The following LRPPRC variants were observed in gnomAD, a reference collection of about 807,000 sequenced individuals.
The protein encoded by LRPPRC is leucine-rich PPR motif-containing protein, mitochondrial.
In LRPPRC, 120 loss-of-function variants were observed where a neutral mutation model predicts 180.3. The ratio of observed to expected loss-of-function variants is 0.67; its 90% CI spans 0.57 to 0.77. The LOEUF (loss-of-function observed/expected upper bound fraction) is 0.77. Among genes scored for constraint, LRPPRC ranks in the 30% least tolerant of loss-of-function variants. The probability of loss-of-function intolerance (pLI) is 0.00; values close to 1 mark genes in which losing one functional copy is unlikely to be tolerated. For synonymous variants in LRPPRC, 723 were observed against 600.0 expected (o/e 1.21, Z -3.00); for missense variants, 2,012 against 1,657.2 (o/e 1.21, Z -3.72).
Position 43,945,386 on chromosome 2 carries a change from T to A in LRPPRC, c.2242A>T (p.Thr748Ser), listed in dbSNP as rs935607836. 3 of 1,612,368 alleles carry A rather than the reference T, an allele frequency of 1.9e-6. No individual in the cohort carries two copies. The highest frequency in any genetic ancestry group is 2.5e-6 in the Non-Finnish European group (3 of 1,178,572). ...CTTACAAGGCCTACATACTTGCCGGTGTCAAGGACAGCAGATGAATCTAAG... is the reference window on the plus strand; with the variant it reads ...CTTACAAGGCCTACATACTTGCCGGAGTCAAGGACAGCAGATGAATCTAAG... ...DRLDSSAVLD[T>S]GKYVGLVRVL... The change falls in exon 22 of 38, where the codon ACC becomes TCC. Residue 748 changes from threonine (T) to serine (S), a missense_variant. Transcript: ENST00000260665.
intron 29 of LRPPRC, among the ~76,000 whole-genome samples, chr2:43,915,163 G>A (rs1671403686): frequency 6.8e-6 from 1 of 147,982 alleles, no homozygotes; most frequent in Admixed American, 6.8e-5. Context: ...GGCAGAGGTT[G>A]CGCCACTGCA....
chr2:43,947,209 C>T, intron 20 of LRPPRC, 48 bp downstream of exon 20: 1 of 849,070 alleles, frequency 1.2e-6, no homozygotes, highest in African/African-American at 1.7e-5. Flanking sequence ...TTATTGTTAC[C>T]AAGAATTTTT....
chr2:43,954,535 C>T (rs933639159), intron 14 of LRPPRC, among the ~76,000 whole-genome samples: 1 of 152,164 alleles, frequency 6.6e-6, no homozygotes, highest in Admixed American at 6.5e-5. Context: ...TGAGCTAATA[C>T]AACTTTTTCT....
At chr2:43,948,225 A>T (rs757001485) in intron 17 of LRPPRC, 26 bp from the exon 18 acceptor site, 13 of 1,321,800 alleles carry the variant, frequency 9.8e-6, no homozygotes, top group African/African-American at 2.9e-5. Context: ...GGAGGGGGGA[A>T]AAAACCTGAG....
intron 30 of LRPPRC, among the ~76,000 whole-genome samples, chr2:43,910,677 CTT>C: frequency 6.6e-6 from 1 of 152,270 alleles, no homozygotes; most frequent in South Asian, 2.1e-4. Flanking sequence ...TCTTCAATCA[CTT>C]GGGCTATGGA....
intron 1 of LRPPRC, among the ~76,000 whole-genome samples, chr2:43,992,735 T>C (rs1340302709): frequency 6.6e-6 from 1 of 152,154 alleles, no homozygotes; most frequent in Non-Finnish European, 1.5e-5. Flanking sequence ...ATCCAGGATC[T>C]TTCTGGAAGG....
intron 27 of LRPPRC, among the ~76,000 whole-genome samples, chr2:43,923,126 C>T (rs1478034650): frequency 6.7e-6 from 1 of 149,012 alleles, no homozygotes; most frequent in Non-Finnish European, 1.5e-5. Flanking sequence ...CCATATATCC[C>T]TAATGGAAAT....
chr2:43,895,838 C>G (rs1670659314), intron 35 of LRPPRC, among the ~76,000 whole-genome samples: 1 of 152,036 alleles, frequency 6.6e-6, no homozygotes, highest in African/African-American at 2.4e-5. Flanking sequence ...GAGGTAAAAT[C>G]CGATCTAAGA....
intron 1 of LRPPRC, among the ~76,000 whole-genome samples, chr2:43,995,130 A>T (rs1674969500): frequency 1.3e-5 from 2 of 151,966 alleles, no homozygotes; most frequent in Non-Finnish European, 2.9e-5. Context: ...AATCCCAGCT[A>T]CTCGGGAGGC....
intron 1 of LRPPRC, among the ~76,000 whole-genome samples, chr2:43,993,016 G>T (rs1674856005): frequency 6.6e-6 from 1 of 152,132 alleles, no homozygotes; most frequent in Non-Finnish European, 1.5e-5. Context: ...CATTTAATAG[G>T]TGAACAGAAG....
intron 30 of LRPPRC, among the ~76,000 whole-genome samples, chr2:43,909,289 G>C (rs951027306): frequency 1.3e-5 from 2 of 152,158 alleles, no homozygotes; most frequent in Non-Finnish European, 2.9e-5. Context: ...ATTGACTTCA[G>C]GCTTTGGATC....
At chr2:43,890,645 G>A (rs1670458145) in intron 36 of LRPPRC, among the ~76,000 whole-genome samples, 1 of 152,162 alleles carries the variant, frequency 6.6e-6, no homozygotes, top group African/African-American at 2.4e-5. Flanking sequence ...CCCGGGAGGT[G>A]GAGCTTGCAG....
In LRPPRC at chr2:43,889,782, TG is replaced by T. The variant is rs1670419278; in HGVS notation, c.4079del (p.Ala1360AspfsTer4). ...KLDDLFLKRY[A>X]SLLKYAGEPV... ...GCTCTCCAGCATACTTCAGCAAAGA[TG>T]CGTAACGCTTTAGAAACAGATCATC... On this transcript the variant is annotated frameshift_variant, in exon 37 of 38. Coordinates refer to ENST00000260665, the MANE Select transcript of LRPPRC (RefSeq NM_133259.4). LOFTEE classifies it high-confidence loss of function. 1 of 1,612,682 alleles carries T rather than the reference TG, an allele frequency of 6.2e-7. No homozygotes were observed. The highest frequency in any genetic ancestry group is 8.5e-7 in the Non-Finnish European group (1 of 1,178,598).
At chr2:43,925,223 G>C in intron 26 of LRPPRC, 66 bp from the exon 27 acceptor site, 1 of 864,942 alleles carries the variant, frequency 1.2e-6, no homozygotes, top group Non-Finnish European at 2.0e-6. Flanking sequence ...TTAACAAATA[G>C]CAGTGGAATA....
rs1196078424 is a variant in LRPPRC at position 43,995,939 on chromosome 2, G to A, written c.9C>T (p.Ala3=). The A allele has an allele frequency of 8.5e-6, 13 of 1,526,226 alleles. No individual in the cohort carries two copies. The highest frequency in any genetic ancestry group is 1.0e-5 in the Non-Finnish European group (12 of 1,143,286). 94.5% of individuals were successfully genotyped at this position (1,526,226 alleles called of 1,614,324 possible). The change falls in exon 1 of 38, where the codon GCC becomes GCT. Residue 3 remains alanine (A), a synonymous_variant. Transcript: ENST00000260665. MA[A]LLRSARWLLR... ...GCAACCAACGCGCGGATCTCAGCAG[G>A]GCTGCCATTGCTCGAACGTCCCCGC...
intron 1 of LRPPRC, among the ~76,000 whole-genome samples, chr2:43,988,541 GAAAGA>G (rs1231030095): frequency 1.3e-5 from 2 of 151,926 alleles, no homozygotes; most frequent in Admixed American, 6.6e-5. Context: ...CGTCTAACAA[GAAAGA>G]AAAGAGACGC....
intron 12 of LRPPRC, among the ~76,000 whole-genome samples, chr2:43,961,537 T>C (rs1673347662): frequency 6.6e-6 from 1 of 152,194 alleles, no homozygotes; most frequent in Admixed American, 6.5e-5. Flanking sequence ...AATGACTATC[T>C]CAAGGAACTA....
chr2:43,943,452 T>A (rs986821585), intron 23 of LRPPRC, among the ~76,000 whole-genome samples: 3 of 151,968 alleles, frequency 2.0e-5, no homozygotes, highest in Non-Finnish European at 2.9e-5. Flanking sequence ...ATTCAAGTGA[T>A]CACATGCTCC....
chr2:43,899,575 AATGTTTTCT>A lies in LRPPRC; in HGVS notation c.3591_3599del (p.Ile1200_Asn1202del). On this transcript the variant is annotated inframe_deletion, in exon 33 of 38. Transcript: ENST00000260665. ...TATTCTCTGAAGTAAGCATATTTTC[AATGTTTTCT>A]ATTGCGGCATCTATGTTATTACTGT... 2 of 1,610,744 alleles carry A rather than the reference AATGTTTTCT, an allele frequency of 1.2e-6. No homozygotes were observed. The highest frequency in any genetic ancestry group is 1.7e-6 in the Non-Finnish European group (2 of 1,176,978).
Sources: gnomAD v4.1 joint callset for allele counts (sites outside exome capture counted in the v4.1 genomes callset) on GRCh38, gnomAD v4.1.1 for gene constraint, MANE v1.5 for transcripts, NCBI Gene and HGNC (gene_info 2026-07-23, HGNC 2026-07-21) for gene names.